The following MTUS1 variants were observed in gnomAD, a reference collection of about 807,000 sequenced individuals.
The protein encoded by MTUS1 is microtubule-associated tumor suppressor 1.
MTUS1 carries 109 observed loss-of-function variants against 120.8 expected under a neutral mutation model. The ratio of observed to expected loss-of-function variants is 0.90; its 90% confidence interval spans 0.77 to 1.06. The LOEUF is 1.06. MTUS1 is among the 50% of genes least tolerant of loss of function. The probability of loss-of-function intolerance (pLI) is 0.00; values close to 1 mark genes in which losing one functional copy is unlikely to be tolerated. For missense variants in MTUS1, 2,210 were observed against 1,486.3 expected, an observed-to-expected ratio of 1.49 and a Z score of -8.01; for synonymous variants, 737 against 550.5, an observed-to-expected ratio of 1.34 and a Z score of -4.74.
chr8:17,710,174 T>G (rs938167247), intron 6 of MTUS1, among the ~76,000 whole-genome samples: 1 of 152,180 alleles, frequency 6.6e-6, no homozygotes, highest in African/African-American at 2.4e-5. Flanking sequence ...TTTGGGTGGC[T>G]GTGGCAATTT....
At chr8:17,696,261 G>A (rs1366503322) in intron 6 of MTUS1, among the ~76,000 whole-genome samples, 2 of 152,072 alleles carry the variant, frequency 1.3e-5, no homozygotes, top group African/African-American at 4.8e-5. Context: ...AGAGAGAGGT[G>A]CTGGAAAAAA....
chr8:17,668,296 C>G (rs12543627), intron 8 of MTUS1, among the ~76,000 whole-genome samples: 1 of 152,040 alleles, frequency 6.6e-6, no homozygotes, highest in African/African-American at 2.4e-5. Context: ...CTTCTTCCAA[C>G]GTGGCCCGGG....
At chr8:17,703,683 C>CA (rs1418150187) in intron 6 of MTUS1, among the ~76,000 whole-genome samples, 9 of 151,220 alleles carry the variant, frequency 6.0e-5, no homozygotes, top group African/African-American at 2.2e-4. Flanking sequence ...TAGTCTCCTG[C>CA]AGTACCCTCA....
At chr8:17,764,356 A>G (rs894879307) in intron 1 of MTUS1, among the ~76,000 whole-genome samples, 7 of 152,116 alleles carry the variant, frequency 4.6e-5, no homozygotes, top group Admixed American at 2.6e-4. Flanking sequence ...AATAGCAGGG[A>G]AAAATGGTAA....
chr8:17,675,764 T>C (rs1486973864), intron 7 of MTUS1, among the ~76,000 whole-genome samples: 2 of 152,160 alleles, frequency 1.3e-5, no homozygotes, highest in South Asian at 2.1e-4. Context: ...AGAAAGATAA[T>C]CCTTTAAAGA....
chr8:17,718,567 A>G (rs1365061849), intron 4 of MTUS1, among the ~76,000 whole-genome samples: 3 of 152,098 alleles, frequency 2.0e-5, no homozygotes, highest in African/African-American at 7.2e-5. Flanking sequence ...GAATCATCCT[A>G]AAGACAGTGT....
At chr8:17,688,153 C>T (rs761941338) in intron 6 of MTUS1, among the ~76,000 whole-genome samples, 1 of 152,176 alleles carries the variant, frequency 6.6e-6, no homozygotes, top group Non-Finnish European at 1.5e-5. Context: ...ACAAACTAAA[C>T]ACAGAATTTG....
Position 17,675,176 on chromosome 8 carries a change from A to T in MTUS1, c.2905+10T>A, listed in dbSNP as rs1413953755. 1 of 1,613,648 alleles carries T rather than the reference A, an allele frequency of 6.2e-7. No homozygotes were observed. The highest frequency in any genetic ancestry group is 8.5e-7 in the Non-Finnish European group (1 of 1,179,786). ...CATAAAATTTAACAACAACAACAAAAAGCTCTTACCTAGCTCTCCCCGGAG... is the reference window on the plus strand; with the variant it reads ...CATAAAATTTAACAACAACAACAAATAGCTCTTACCTAGCTCTCCCCGGAG... On this transcript the variant is annotated intron_variant, in intron 8 of 14. Coordinates refer to ENST00000693296, the MANE Select transcript of MTUS1 (RefSeq NM_001363059.2).
intron 1 of MTUS1, among the ~76,000 whole-genome samples, chr8:17,774,760 A>G (rs1171380877): frequency 1.3e-5 from 2 of 151,844 alleles, no homozygotes; most frequent in African/African-American, 4.8e-5. Context: ...GAAAATAGAG[A>G]CTCCAAGAAA....
chr8:17,795,515 C>G (rs1169843537), intron 1 of MTUS1, among the ~76,000 whole-genome samples: 1 of 151,410 alleles, frequency 6.6e-6, no homozygotes, highest in Non-Finnish European at 1.5e-5. Context: ...TGATCCATTC[C>G]TAGTCTGTTC....
intron 13 of MTUS1, 48 bp from the exon 14 acceptor site, chr8:17,647,127 A>AC (rs1359254776): frequency 1.1e-5 from 16 of 1,460,666 alleles, no homozygotes; most frequent in Non-Finnish European, 1.5e-5. Flanking sequence ...TAAAAAAAAA[A>AC]CCCCTCATTT....
intron 13 of MTUS1, among the ~76,000 whole-genome samples, chr8:17,647,577 G>A (rs894472612): frequency 2.6e-5 from 4 of 152,062 alleles, no homozygotes; most frequent in Non-Finnish European, 4.4e-5. Context: ...CAGCATTTGC[G>A]TCTGAGTGGC....
At chr8:17,663,798 G>A (rs985731174) in intron 8 of MTUS1, among the ~76,000 whole-genome samples, 12 of 152,078 alleles carry the variant, frequency 7.9e-5, no homozygotes, top group African/African-American at 2.4e-4. Flanking sequence ...GTTTCACTAC[G>A]TTGGCCAGGC....
intron 8 of MTUS1, among the ~76,000 whole-genome samples, chr8:17,672,163 A>G (rs1202591609): frequency 6.6e-6 from 1 of 152,146 alleles, no homozygotes; most frequent in East Asian, 1.9e-4. Flanking sequence ...TAGTCTAATG[A>G]TTATTCCTTT....
At chr8:17,730,462 G>A (rs956116220) in intron 3 of MTUS1, among the ~76,000 whole-genome samples, 2 of 147,716 alleles carry the variant, frequency 1.4e-5, no homozygotes, top group Admixed American at 6.8e-5. Context: ...TCTGGCCTGG[G>A]CAAGAGAGCA....
intron 6 of MTUS1, among the ~76,000 whole-genome samples, chr8:17,698,092 T>A (rs1433436173): frequency 3.3e-5 from 5 of 152,200 alleles, no homozygotes; most frequent in African/African-American, 4.8e-5. Context: ...AAGTTCAACT[T>A]TAATTCCCAC....
chr8:17,770,354 C>G (rs913809463), intron 1 of MTUS1: 1 of 151,036 alleles, frequency 6.6e-6, no homozygotes, highest in Admixed American at 6.6e-5. Context: ...AGAGCAGCTT[C>G]AAAAAAAAAT....
chr8:17,773,336 G>A (rs955996411), intron 1 of MTUS1, among the ~76,000 whole-genome samples: 9 of 152,266 alleles, frequency 5.9e-5, no homozygotes, highest in Middle Eastern at 3.4e-3. Context: ...TGTCATTAGA[G>A]GTGGCCTAGA....
intron 13 of MTUS1, among the ~76,000 whole-genome samples, chr8:17,649,428 C>A (rs1474263316): frequency 6.7e-6 from 1 of 150,276 alleles, no homozygotes; most frequent in Non-Finnish European, 1.5e-5. Context: ...TATTGCTATT[C>A]ATTTCTATTA....
Sources: allele counts gnomAD v4.1 joint callset (sites outside exome capture counted in the v4.1 genomes callset), GRCh38; gene constraint gnomAD v4.1.1; transcripts MANE v1.5; gene names NCBI Gene and HGNC (gene_info 2026-07-23, HGNC 2026-07-21).